The following SKIL variants were observed in gnomAD, a reference collection of about 807,000 sequenced individuals.
SKIL encodes the protein ski-like protein.
Under a neutral mutation model 69.6 loss-of-function variants are expected in SKIL, and 20 were observed. The observed-to-expected ratio is 0.29, with a 90% CI of 0.20 to 0.42. The LOEUF is 0.42. Among genes scored for constraint, SKIL ranks in the 10% least tolerant of loss-of-function variants. The pLI is 1.00. For missense variants in SKIL, 745 were observed against 783.1 expected (o/e 0.95, Z 0.58); for synonymous variants, 310 against 279.9 (o/e 1.11, Z -1.08).
intron 2 of SKIL, among the ~76,000 whole-genome samples, chr3:170,376,687 T>G (rs543803960): frequency 6.6e-6 from 1 of 152,246 alleles, no homozygotes; most frequent in East Asian, 1.9e-4. Context: ...GTGATCCTCC[T>G]GCCTTAGCCT....
At chr3:170,370,446 C>G (rs1159216916) in intron 2 of SKIL, among the ~76,000 whole-genome samples, 1 of 27,986 alleles carries the variant, frequency 3.6e-5, no homozygotes, top group Non-Finnish European at 1.0e-4. Context: ...AGAGCCCCCC[C>G]CCCCCCCCCG....
intron 1 of SKIL, chr3:170,357,998 C>G (rs1020604962): frequency 6.6e-6 from 1 of 152,380 alleles, no homozygotes; most frequent in Non-Finnish European, 1.5e-5. Context: ...TTCGTTGGCC[C>G]CAGGCGGTGG....
In SKIL at chr3:170,361,400, A is replaced by C; in HGVS notation, c.1069A>C (p.Met357Leu). 6.3e-7 allele frequency: 1 copy of C among 1,591,044 alleles called. No homozygotes were observed. Among genetic ancestry groups the C allele is most frequent in the Non-Finnish European group, 8.5e-7 (1 of 1,172,286 alleles). The change falls in exon 2 of 7, where the codon ATG becomes CTG. Residue 357 changes from methionine (M) to leucine (L), a missense_variant. Met to Leu is a conservative substitution (Grantham distance 15). Transcript: ENST00000259119. ...AGAAGAAATGAAGGAGAAGTTTAGCATGAGAAGTGGAAAGAGAAATCAATC... is the reference window on the plus strand; with the variant it reads ...AGAAGAAATGAAGGAGAAGTTTAGCCTGAGAAGTGGAAAGAGAAATCAATC... ...ILEEMKEKFSMRSGKRNQSKT... is the reference protein window; with the variant it reads ...ILEEMKEKFSLRSGKRNQSKT...
In SKIL at chr3:170,361,350, A is replaced by T; in HGVS notation, c.1019A>T (p.Glu340Val). The T allele has an allele frequency of 6.2e-7, 1 of 1,610,920 alleles. No individual in the cohort carries two copies. The highest frequency in any genetic ancestry group is 1.1e-5 in the South Asian group (1 of 89,966). ...AACCAAAAATACTTAGGAACACCTG[A>T]AGAAAAGAAACTGAAGATAATTTTA... The part of the protein sequence containing the change: ...HVNQKYLGTP[E>V]EKKLKIILEE... The change falls in exon 2 of 7, where the codon GAA (glutamate) becomes GTA (valine). Residue 340 changes from glutamate to valine, a missense_variant. By Grantham distance (121) the Glu-to-Val change is moderately radical (BLOSUM62 -2). Transcript: ENST00000259119.
At chr3:170,364,490 G>GT (rs1560207252) in intron 2 of SKIL, among the ~76,000 whole-genome samples, 1 of 151,638 alleles carries the variant, frequency 6.6e-6, no homozygotes, top group Non-Finnish European at 1.5e-5. Flanking sequence ...TGCCTAGCTT[G>GT]TTTTTTGTAT....
Position 170,360,081 on chromosome 3 carries a change from G to T in SKIL, c.-251G>T, listed in dbSNP as rs1432512668. Reference sequence around the variant, plus strand: ...TCAAGAAAACAAAGGCATCCTCAGAGGTGTGCCTCTTTTCTTTATTATTAG... The same window carrying T: ...TCAAGAAAACAAAGGCATCCTCAGATGTGTGCCTCTTTTCTTTATTATTAG... On this transcript the variant is annotated 5_prime_UTR_variant, in exon 2 of 7. In the 5' UTR this introduces an upstream ATG that the reference lacks. Transcript: ENST00000259119. 2.6e-6 allele frequency: 1 copy of T among 387,320 alleles called. No individual in the cohort carries two copies. The highest frequency in any genetic ancestry group is 4.1e-5 in the Admixed American group (1 of 24,216). The allele number at this position is 387,320 out of a possible 1,614,324, so 24.0% of individuals were successfully genotyped here.
At chr3:170,392,158 G>A (rs992579069) in intron 6 of SKIL, 101 bp from the exon 7 acceptor site, 9 of 963,092 alleles carry the variant, frequency 9.3e-6, no homozygotes, top group Admixed American at 5.7e-5. Context: ...GAAATAGTTC[G>A]TTTTGTAAAA....
At position 170,391,017 on chromosome 3, in the gene SKIL, G is replaced by A. The variant is rs763112556; in HGVS notation, c.1672-19G>A. ...GTGAAAATAAAGTAAAACTTGTATT[G>A]TGATTCTTTACATTACAGGAAGTAA... On this transcript the variant is annotated intron_variant, in intron 5 of 6. Coordinates refer to ENST00000259119, the MANE Select transcript of SKIL (RefSeq NM_005414.5). 3 of 1,300,290 alleles carry A rather than the reference G, an allele frequency of 2.3e-6. No individual in the cohort carries two copies. Among genetic ancestry groups the A allele is most frequent in the African/African-American group, 1.5e-5 (1 of 67,468 alleles). The allele number at this position is 1,300,290 out of a possible 1,614,324, so 80.5% of individuals were successfully genotyped here. A position where few individuals can be genotyped will look rare whatever the true frequency, so the allele number is the denominator to read the frequency against.
chr3:170,365,925 T>G (rs982111342), intron 2 of SKIL, among the ~76,000 whole-genome samples: 5 of 152,004 alleles, frequency 3.3e-5, no homozygotes, highest in African/African-American at 1.2e-4. Context: ...CCAGCTAATT[T>G]TTTTATTTTT....
intron 2 of SKIL, among the ~76,000 whole-genome samples, chr3:170,365,751 G>GATTTTTTTT (rs1560207824): frequency 4.3e-5 from 4 of 92,440 alleles, no homozygotes; most frequent in African/African-American, 2.1e-4. Flanking sequence ...GTCAAACTAG[G>GATTTTTTTT]CTTTTTTTTT....
At chr3:170,378,553 C>CT (rs373084445) in intron 2 of SKIL, among the ~76,000 whole-genome samples, 57 of 119,004 alleles carry the variant, frequency 4.8e-4, no homozygotes, top group African/African-American at 1.2e-3. Flanking sequence ...CTCTCTCTCT[C>CT]TTTTTTTTTT....
chr3:170,367,527 C>T (rs1459761575), intron 2 of SKIL, among the ~76,000 whole-genome samples: 5 of 150,544 alleles, frequency 3.3e-5, no homozygotes, highest in Non-Finnish European at 4.4e-5. Flanking sequence ...AGTGCAATGG[C>T]GCAATCTTGG....
rs979133924 is a variant in SKIL at position 170,384,538 on chromosome 3, A to G, written c.1202A>G (p.Tyr401Cys). 3.9e-6 allele frequency: 6 copies of G among 1,524,046 alleles called. No homozygotes were observed. The highest frequency in any genetic ancestry group is 5.4e-6 in the Non-Finnish European group (6 of 1,104,600). 94.4% of individuals were successfully genotyped at this position (1,524,046 alleles called of 1,614,324 possible). A position where few individuals can be genotyped will look rare whatever the true frequency, so the allele number is the denominator to read the frequency against. ...QTHSFLHPSY[Y>C]LYMCDKVVAP... ...TTGCTTTTACTTGTTTTCAGCTACT[A>G]CTTATACATGTGTGATAAAGTGGTT... is the stretch of plus-strand genomic sequence containing the variant. The change falls in exon 4 of 7, where the codon TAC becomes TGC. Residue 401 changes from tyrosine to cysteine, a missense_variant. By Grantham distance (194) the Tyr-to-Cys change is radical. Coordinates refer to ENST00000259119, the MANE Select transcript of SKIL (RefSeq NM_005414.5).
chr3:170,384,146 A>G (rs1404352977), intron 3 of SKIL, among the ~76,000 whole-genome samples: 2 of 151,832 alleles, frequency 1.3e-5, no homozygotes, highest in Admixed American at 6.6e-5. Context: ...TGAGCCCAGG[A>G]GTTCAAGACC....
At chr3:170,373,500 A>G (rs1736884976) in intron 2 of SKIL, among the ~76,000 whole-genome samples, 1 of 152,168 alleles carries the variant, frequency 6.6e-6, no homozygotes, top group Admixed American at 6.5e-5. Context: ...TATTTGTAAA[A>G]AGGCTTAATT....
intron 2 of SKIL, among the ~76,000 whole-genome samples, chr3:170,377,638 C>T (rs1161285941): frequency 6.8e-6 from 1 of 147,892 alleles, no homozygotes; most frequent in Non-Finnish European, 1.5e-5. Flanking sequence ...AACCTCCGCC[C>T]TCTGAGTTCA....
chr3:170,360,886 A>T lies in SKIL; in HGVS notation c.555A>T (p.Thr185=). The change falls in exon 2 of 7, where the codon ACA becomes ACT. Residue 185 remains threonine (T), a synonymous_variant. Coordinates refer to ENST00000259119, the MANE Select transcript of SKIL (RefSeq NM_005414.5). ...LREFTLQQIN[T]VCDELYIYCS... ...AATTTACACTCCAGCAAATAAATACAGTGTGTGATGAACTGTACATATATT... is the reference window on the plus strand; with the variant it reads ...AATTTACACTCCAGCAAATAAATACTGTGTGTGATGAACTGTACATATATT... 1 of 1,614,214 alleles carries T rather than the reference A, an allele frequency of 6.2e-7. No homozygotes were observed. The highest frequency in any genetic ancestry group is 8.5e-7 in the Non-Finnish European group (1 of 1,180,022).
chr3:170,364,729 G>A (rs1736419489), intron 2 of SKIL, among the ~76,000 whole-genome samples: 3 of 150,740 alleles, frequency 2.0e-5, no homozygotes, highest in Non-Finnish European at 4.4e-5. Context: ...CATGATAAAG[G>A]TTTAAAAAAA....
intron 4 of SKIL, among the ~76,000 whole-genome samples, chr3:170,387,297 C>T (rs954578350): frequency 6.6e-6 from 1 of 152,128 alleles, no homozygotes; most frequent in Admixed American, 6.6e-5. Context: ...TTCATCACTC[C>T]AAAAATTAAC....
Sources: gnomAD v4.1 joint callset for allele counts (sites outside exome capture counted in the v4.1 genomes callset) on GRCh38, gnomAD v4.1.1 for gene constraint, MANE v1.5 for transcripts, NCBI Gene and HGNC (gene_info 2026-07-23, HGNC 2026-07-21) for gene names.